Variants in SLC37A1 observed in about 807,000 individuals in gnomAD.
SLC37A1 encodes the protein solute carrier family 37 member 1, also known as glucose-6-phosphate exchanger SLC37A1.
A neutral mutation model predicts 75.3 loss-of-function variants in SLC37A1; 49 were observed. That is an observed-to-expected ratio of 0.65 (90% confidence interval 0.52 to 0.83). SLC37A1 has a LOEUF of 0.83. Among genes scored for constraint, SLC37A1 ranks in the 40% least tolerant of loss-of-function variants. SLC37A1 has a pLI of 0.00. For missense variants in SLC37A1, 566 were observed against 695.0 expected (o/e 0.81, Z 2.09); for synonymous variants, 268 against 292.1 (o/e 0.92, Z 0.84).
intron 18 of SLC37A1, chr21:42,575,753 TA>T: frequency 2.0e-6 from 2 of 985,440 alleles, no homozygotes; most frequent in Non-Finnish European, 2.4e-6. Flanking sequence ...GAAAGTCTTA[TA>T]TTTTAATTCC....
At chr21:42,501,057 GA>G (rs1398482779) in intron 1 of SLC37A1, among the ~76,000 whole-genome samples, 1 of 152,240 alleles carries the variant, frequency 6.6e-6, no homozygotes, top group Non-Finnish European at 1.5e-5. Context: ...CGAGATGTCA[GA>G]AAATTGGATA....
At chr21:42,575,575 T>A (rs1477148524) in intron 18 of SLC37A1, 1 of 985,118 alleles carries the variant, frequency 1.0e-6, no homozygotes, top group African/African-American at 1.8e-5. Flanking sequence ...CACAGTCACA[T>A]AGATGTGCAG....
chr21:42,553,040 C>G (rs1261335704), intron 9 of SLC37A1, among the ~76,000 whole-genome samples: 1 of 152,226 alleles, frequency 6.6e-6, no homozygotes, highest in Non-Finnish European at 1.5e-5. Context: ...CTTCAGAAAC[C>G]TTTTCAGGGG....
At chr21:42,512,894 A>G (rs1189822454), upstream of SLC37A1, among the ~76,000 whole-genome samples, 1 of 152,272 alleles carries the variant, frequency 6.6e-6, no homozygotes, top group Non-Finnish European at 1.5e-5. Flanking sequence ...CAGGGGAGCC[A>G]AACACAGGGA....
At chr21:42,526,988 G>C (rs1448293111) in intron 3 of SLC37A1, among the ~76,000 whole-genome samples, 2 of 152,148 alleles carry the variant, frequency 1.3e-5, no homozygotes, top group Admixed American at 6.5e-5. Context: ...TATACAAACA[G>C]CTCAAGAAAA....
intron 18 of SLC37A1, among the ~76,000 whole-genome samples, chr21:42,576,476 A>G (rs2056312562): frequency 6.6e-6 from 1 of 152,204 alleles, no homozygotes. Flanking sequence ...CTAACACCCT[A>G]CAAAAGATGA....
chr21:42,532,868 T>C (rs2055025488), intron 3 of SLC37A1, among the ~76,000 whole-genome samples: 1 of 152,206 alleles, frequency 6.6e-6, no homozygotes, highest in African/African-American at 2.4e-5. Flanking sequence ...CTTTGCATTG[T>C]AAAGTAGAGC....
intron 2 of SLC37A1, among the ~76,000 whole-genome samples, chr21:42,523,395 A>G (rs1268626072): frequency 2.0e-5 from 3 of 152,214 alleles, no homozygotes; most frequent in African/African-American, 7.2e-5. Flanking sequence ...CAGTTTGTCA[A>G]GCTGTGGGCT....
At chr21:42,559,174 A>C (rs2055764038) in intron 11 of SLC37A1, 85 bp downstream of exon 11, 3 of 1,512,992 alleles carry the variant, frequency 2.0e-6, no homozygotes, top group Non-Finnish European at 2.7e-6. Context: ...TTAAGCTTAA[A>C]AAGACATCTG....
chr21:42,522,692 A>G (rs8127895), intron 2 of SLC37A1, among the ~76,000 whole-genome samples: 52,356 of 152,174 alleles, frequency 0.34, 9,339 homozygotes, highest in African/African-American at 0.44. Flanking sequence ...AGTCTTTAGG[A>G]ACATTCCAGT....
At chr21:42,546,632 C>T (rs890064112) in intron 8 of SLC37A1, among the ~76,000 whole-genome samples, 6 of 152,202 alleles carry the variant, frequency 3.9e-5, no homozygotes, top group Admixed American at 3.3e-4. Flanking sequence ...GCCATACCCC[C>T]CTTGCACACA....
At position 42,518,332 on chromosome 21, in the gene SLC37A1, C is replaced by T. The variant is rs1022206806; in HGVS notation, c.-123C>T. The stretch of plus-strand genomic sequence containing the variant: ...CAAGACCCAGCAGGACACCTTCTTT[C>T]CACGCTTTCCAGCCTGTGGGAGCGG... On this transcript the variant is annotated 5_prime_UTR_variant, in exon 2 of 20. Coordinates refer to ENST00000352133, the MANE Select transcript of SLC37A1 (RefSeq NM_001320537.2). 28 of 1,268,244 alleles carry T rather than the reference C, an allele frequency of 2.2e-5. No homozygotes were observed. The highest frequency in any genetic ancestry group is 3.0e-5 in the Non-Finnish European group (26 of 876,686). 78.6% of individuals were successfully genotyped at this position (1,268,244 alleles called of 1,614,324 possible). A position where few individuals can be genotyped will look rare whatever the true frequency, so the allele number is the denominator to read the frequency against.
chr21:42,547,266 A>C lies in SLC37A1; in HGVS notation c.768+126A>C. ...GGTAGACAGAAGTCCCACCCTCAAA[A>C]CATTGGCAGTTCTAGGAATAGAGAA... On this transcript the variant is annotated intron_variant, in intron 9 of 19. Coordinates refer to ENST00000352133, the MANE Select transcript of SLC37A1 (RefSeq NM_001320537.2). The surrounding 1 kb of genome is among the most constrained non-coding windows in gnomAD (Gnocchi z 6.1). 1 of 995,872 alleles carries C rather than the reference A, an allele frequency of 1.0e-6. No homozygotes were observed. Among genetic ancestry groups the C allele is most frequent in the Non-Finnish European group, 1.6e-6 (1 of 636,988 alleles). The allele number at this position is 995,872 out of a possible 1,614,324, so 61.7% of individuals were successfully genotyped here. A position where few individuals can be genotyped will look rare whatever the true frequency, so the allele number is the denominator to read the frequency against.
chr21:42,533,330 C>T (rs1421393305), intron 3 of SLC37A1, among the ~76,000 whole-genome samples: 1 of 152,196 alleles, frequency 6.6e-6, no homozygotes, highest in Admixed American at 6.5e-5. Flanking sequence ...CCATCACTCA[C>T]GCTTGATGGG....
chr21:42,530,579 C>T (rs986304047), intron 3 of SLC37A1, among the ~76,000 whole-genome samples: 15 of 139,172 alleles, frequency 1.1e-4, no homozygotes, highest in Non-Finnish European at 1.5e-4. Context: ...CTAGACAGAT[C>T]GTCAAATGCA....
intron 2 of SLC37A1, among the ~76,000 whole-genome samples, chr21:42,523,318 G>A (rs1183079949): frequency 6.6e-6 from 1 of 152,192 alleles, no homozygotes; most frequent in Non-Finnish European, 1.5e-5. Context: ...CTCCAGTGAG[G>A]GCCGATCAGG....
At chr21:42,525,396 A>T (rs1046551737) in intron 2 of SLC37A1, among the ~76,000 whole-genome samples, 2 of 152,232 alleles carry the variant, frequency 1.3e-5, no homozygotes, top group African/African-American at 4.8e-5. Flanking sequence ...GTGGGGGCTG[A>T]TGCTGACTCC....
intron 3 of SLC37A1, among the ~76,000 whole-genome samples, chr21:42,530,654 A>ACACACACCCCCCCCCC (rs1161313598): frequency 2.8e-5 from 1 of 35,880 alleles, no homozygotes; most frequent in Non-Finnish European, 5.2e-5. Context: ...ACACACACAC[A>ACACACACCCCCCCCCC]CCCCCTCTGT....
chr21:42,567,607 T>G (rs1189853500), intron 16 of SLC37A1, among the ~76,000 whole-genome samples: 1 of 152,222 alleles, frequency 6.6e-6, no homozygotes, highest in Non-Finnish European at 1.5e-5. Context: ...TTTTTTAGAC[T>G]TCAAAATACG....
Sources: gnomAD v4.1 joint callset for allele counts (sites outside exome capture counted in the v4.1 genomes callset) on GRCh38, gnomAD v4.1.1 for gene constraint, Gnocchi (gnomAD v3.1) non-coding constraint, MANE v1.5 for transcripts, NCBI Gene and HGNC (gene_info 2026-07-23, HGNC 2026-07-21) for gene names.